The following KCNT2 variants were observed in gnomAD, a reference collection of about 807,000 sequenced individuals.
KCNT2 encodes potassium sodium-activated channel subfamily T member 2, also known as potassium channel subfamily T member 2.
KCNT2 carries 67 observed loss-of-function variants against 153.8 expected under a neutral mutation model. That is an observed-to-expected ratio of 0.44 (90% confidence interval 0.36 to 0.53). The LOEUF (loss-of-function observed/expected upper bound fraction) is 0.53. KCNT2 is among the 20% of genes least tolerant of loss of function. The probability of loss-of-function intolerance (pLI) is 0.00; values close to 1 mark genes in which losing one functional copy is unlikely to be tolerated. For missense variants in KCNT2, 975 were observed against 1,354.8 expected (o/e 0.72, Z 4.40); for synonymous variants, 500 against 458.8 (o/e 1.09, Z -1.15).
Position 196,233,064 on chromosome 1 carries a change from G to GA in KCNT2, c.3296+2921dup, listed in dbSNP as rs898621323. ...AGACATGTATAAATGTGGATGCCAT[G>GA]AAAAAAGAACAGCTTTATTTTATTA... On this transcript the variant is annotated intron_variant, in intron 27 of 27. Coordinates refer to ENST00000294725, the MANE Select transcript of KCNT2 (RefSeq NM_198503.5). Among the ~76,000 whole-genome samples the GA allele has an allele frequency of 2.6e-5, 4 of 151,270 alleles. No homozygotes were observed. In the East Asian group the frequency reaches 7.7e-4, roughly 29 times the overall value.
chr1:196,598,501 C>T (rs1664352634), intron 1 of KCNT2, among the ~76,000 whole-genome samples: 1 of 152,176 alleles, frequency 6.6e-6, no homozygotes, highest in Admixed American at 6.5e-5. Flanking sequence ...TGACCAACTT[C>T]AAAAATTCCT....
intron 13 of KCNT2, among the ~76,000 whole-genome samples, chr1:196,377,294 C>T (rs1482764286): frequency 1.3e-5 from 2 of 151,648 alleles, no homozygotes; most frequent in African/African-American, 4.8e-5. Context: ...TGACGGTGAG[C>T]TGGGAGAGAG....
In KCNT2 at chr1:196,490,275, C is replaced by T. The variant is rs940585640; in HGVS notation, c.176-338G>A. Among the ~76,000 whole-genome samples the T allele has an allele frequency of 2.6e-5, 4 of 151,606 alleles. 1 individual carries two copies. Among genetic ancestry groups the T allele is most frequent in the African/African-American group, 9.6e-5 (4 of 41,464 alleles). Reference sequence around the variant, plus strand: ...TATATGTTTAAGCATTTTATACATCCATAAATTTTGGGATAAACTTTGGCT... The same window carrying T: ...TATATGTTTAAGCATTTTATACATCTATAAATTTTGGGATAAACTTTGGCT... On this transcript the variant is annotated intron_variant, in intron 2 of 27. Transcript: ENST00000294725.
chr1:196,248,928 G>A (rs917945892), intron 26 of KCNT2, among the ~76,000 whole-genome samples: 2 of 152,122 alleles, frequency 1.3e-5, no homozygotes, highest in Non-Finnish European at 2.9e-5. Flanking sequence ...TTAACAGACT[G>A]AATTCAACAG....
At chr1:196,311,896 T>C (rs1042977979) in intron 21 of KCNT2, among the ~76,000 whole-genome samples, 13 of 151,888 alleles carry the variant, frequency 8.6e-5, no homozygotes, top group African/African-American at 3.1e-4. Flanking sequence ...CATAGACTTT[T>C]TACTGTGGTT....
chr1:196,361,865 GCAAT>G (rs1667651371), intron 14 of KCNT2, among the ~76,000 whole-genome samples: 1 of 151,906 alleles, frequency 6.6e-6, no homozygotes, highest in Admixed American at 6.6e-5. Flanking sequence ...CAAATTTATA[GCAAT>G]CAATCACATT....
At chr1:196,254,287 T>G (rs147542741) in intron 26 of KCNT2, among the ~76,000 whole-genome samples, 1 of 151,552 alleles carries the variant, frequency 6.6e-6, no homozygotes, top group Non-Finnish European at 1.5e-5. Context: ...TCTGGAAATA[T>G]AGAATTATAC....
chr1:196,436,602 T>G (rs936215024), intron 8 of KCNT2, among the ~76,000 whole-genome samples: 17 of 151,450 alleles, frequency 1.1e-4, no homozygotes, highest in African/African-American at 4.1e-4. Flanking sequence ...TATAGTTATC[T>G]TGTTTCATTC....
chr1:196,414,444 G>C (rs945782026), intron 12 of KCNT2, among the ~76,000 whole-genome samples: 2 of 151,754 alleles, frequency 1.3e-5, no homozygotes, highest in African/African-American at 4.8e-5. Context: ...TCTTGGAATT[G>C]AGGCTATGGG....
chr1:196,595,692 T>G (rs1663975034), intron 1 of KCNT2, among the ~76,000 whole-genome samples: 1 of 152,174 alleles, frequency 6.6e-6, no homozygotes, highest in Non-Finnish European at 1.5e-5. Flanking sequence ...CTTTTAATTT[T>G]TATTTTTATT....
chr1:196,320,286 C>T (rs1663161396), intron 19 of KCNT2, among the ~76,000 whole-genome samples: 1 of 151,778 alleles, frequency 6.6e-6, no homozygotes, highest in East Asian at 1.9e-4. Flanking sequence ...CTTCATGTAT[C>T]TATTCACTCA....
chr1:196,451,606 C>A (rs777648059), intron 8 of KCNT2, among the ~76,000 whole-genome samples: 5 of 150,922 alleles, frequency 3.3e-5, no homozygotes, highest in Non-Finnish European at 5.9e-5. Flanking sequence ...AGTTTCCTTA[C>A]CACCTTAAAT....
At chr1:196,282,746 A>G (rs954972732) in intron 23 of KCNT2, among the ~76,000 whole-genome samples, 4 of 152,250 alleles carry the variant, frequency 2.6e-5, no homozygotes, top group African/African-American at 7.2e-5. Context: ...TTTTAGTATT[A>G]AGCTCTAAGC....
chr1:196,323,193 G>A (rs1663503444), intron 19 of KCNT2, among the ~76,000 whole-genome samples: 1 of 151,902 alleles, frequency 6.6e-6, no homozygotes, highest in African/African-American at 2.4e-5. Flanking sequence ...ACTGACATCA[G>A]GGATTTTATC....
At chr1:196,462,724 G>C (rs1677257969) in intron 8 of KCNT2, among the ~76,000 whole-genome samples, 1 of 151,690 alleles carries the variant, frequency 6.6e-6, no homozygotes, top group Non-Finnish European at 1.5e-5. Flanking sequence ...CTCATTTAAT[G>C]ATGTGTAAAA....
At chr1:196,238,985 A>C (rs867722366) in intron 26 of KCNT2, among the ~76,000 whole-genome samples, 6 of 151,924 alleles carry the variant, frequency 3.9e-5, no homozygotes, top group Non-Finnish European at 8.8e-5. Flanking sequence ...ATATTCTTTC[A>C]TTCTGGAGGT....
chr1:196,486,008 A>T (rs927056478), intron 3 of KCNT2, among the ~76,000 whole-genome samples: 1 of 151,998 alleles, frequency 6.6e-6, no homozygotes, highest in Non-Finnish European at 1.5e-5. Flanking sequence ...ACTGGAATCT[A>T]CCTGAATACC....
chr1:196,320,956 T>A (rs1217594861), intron 19 of KCNT2, among the ~76,000 whole-genome samples: 2 of 151,638 alleles, frequency 1.3e-5, no homozygotes, highest in Admixed American at 1.3e-4. Flanking sequence ...GGTATTCACA[T>A]CTTCCGAAGA....
rs1672280611 is a variant in KCNT2 at position 196,411,102 on chromosome 1, CT to C, written c.1185+11947del. On this transcript the variant is annotated intron_variant, in intron 12 of 27. Coordinates refer to ENST00000294725, the MANE Select transcript of KCNT2 (RefSeq NM_198503.5). ...CCTTCCTTCCTTCCTTCCTTCCTTCCTTCCTTCCTTCCTTCCTTCCTCCCTT... is the reference window on the plus strand; with the variant it reads ...CCTTCCTTCCTTCCTTCCTTCCTTCCTCCTTCCTTCCTTCCTTCCTCCCTT... Among the ~76,000 whole-genome samples, 9 of 130,264 alleles carry C rather than the reference CT, an allele frequency of 6.9e-5. No homozygotes were observed. The South Asian group carries it at 1.9e-3, about 28-fold the overall frequency. The allele number at this position is 130,264 out of a possible 152,430, so 85.5% of individuals were successfully genotyped here.
Sources: allele counts gnomAD v4.1 joint callset (sites outside exome capture counted in the v4.1 genomes callset), GRCh38; gene constraint gnomAD v4.1.1; transcripts MANE v1.5; gene names NCBI Gene and HGNC (gene_info 2026-07-23, HGNC 2026-07-21).